CSMD3: variants seen among roughly 807,000 people sequenced by gnomAD.
CSMD3 encodes the protein CUB and sushi domain-containing protein 3.
Under a neutral mutation model 435.2 loss-of-function variants are expected in CSMD3, and 177 were observed. That is an observed-to-expected ratio of 0.41 (90% CI 0.36 to 0.46). The LOEUF is 0.46. Among genes scored for constraint, CSMD3 ranks in the 20% least tolerant of loss-of-function variants. CSMD3 has a pLI of 0.34. For missense variants in CSMD3, 4,265 were observed against 4,504.6 expected (o/e 0.95, Z 1.52); for synonymous variants, 1,656 against 1,520.5 (o/e 1.09, Z -2.07).
chr8:112,514,905 T>TA lies in CSMD3; in HGVS notation c.4756+2128dup, dbSNP rs1480891729. On this transcript the variant is annotated intron_variant, in intron 28 of 70. Coordinates refer to ENST00000297405, the MANE Select transcript of CSMD3 (RefSeq NM_198123.2). The stretch of plus-strand genomic sequence containing the variant: ...TTAGCAATTTTTCAGACTTTTTTTT[T>TA]AAGGTTATTTTCTTCCCCAGAGAAG... Among the ~76,000 whole-genome samples the TA allele has an allele frequency of 2.6e-5, 4 of 152,142 alleles. No homozygotes were observed. The East Asian group carries it at 7.7e-4, about 29-fold the overall frequency.
At chr8:113,102,611 G>A (rs1025544877) in intron 4 of CSMD3, among the ~76,000 whole-genome samples, 2 of 152,100 alleles carry the variant, frequency 1.3e-5, no homozygotes, top group African/African-American at 4.8e-5. Flanking sequence ...TAAGGAACAA[G>A]AATTTCCTGA....
chr8:112,381,687 CAG>C (rs531134357), intron 37 of CSMD3, among the ~76,000 whole-genome samples: 53 of 152,298 alleles, frequency 3.5e-4, no homozygotes, highest in Non-Finnish European at 6.8e-4. Context: ...CCACTGAAGA[CAG>C]GGATAAACAG....
At chr8:113,170,381 C>T (rs2092246326) in intron 4 of CSMD3, among the ~76,000 whole-genome samples, 1 of 152,092 alleles carries the variant, frequency 6.6e-6, no homozygotes, top group Non-Finnish European at 1.5e-5. Context: ...TACCTTTAGC[C>T]AGTGAATATT....
chr8:113,025,965 T>C (rs765722925), intron 5 of CSMD3, among the ~76,000 whole-genome samples: 1 of 152,144 alleles, frequency 6.6e-6, no homozygotes, highest in Non-Finnish European at 1.5e-5. Flanking sequence ...ACAATGACTA[T>C]TGGCTCCCAT....
chr8:113,141,552 C>A (rs2091548432), intron 4 of CSMD3, among the ~76,000 whole-genome samples: 1 of 150,720 alleles, frequency 6.6e-6, no homozygotes, highest in South Asian at 2.1e-4. Flanking sequence ...TTATAATTCA[C>A]CATATTTACA....
intron 3 of CSMD3, among the ~76,000 whole-genome samples, chr8:113,248,521 T>C (rs1414858175): frequency 2.5e-5 from 3 of 121,894 alleles, no homozygotes; most frequent in Non-Finnish European, 5.0e-5. Flanking sequence ...TTCCATATTA[T>C]ATATATATGT....
chr8:112,247,417 C>T lies in CSMD3; in HGVS notation c.10111-286G>A, dbSNP rs748982279. Among the ~76,000 whole-genome samples, 3 of 151,508 alleles carry T rather than the reference C, an allele frequency of 2.0e-5. No individual in the cohort carries two copies. The East Asian group carries it at 5.8e-4, about 29-fold the overall frequency. The stretch of plus-strand genomic sequence containing the variant: ...GAATTTGAAGAAAATATTTAAGACA[C>T]CAAAAAATCCAACAAGCTACATATG... On this transcript the variant is annotated intron_variant, in intron 63 of 70. Coordinates refer to ENST00000297405, the MANE Select transcript of CSMD3 (RefSeq NM_198123.2).
At chr8:113,067,710 GT>G (rs1478767456) in intron 5 of CSMD3, among the ~76,000 whole-genome samples, 2 of 151,970 alleles carry the variant, frequency 1.3e-5, no homozygotes, top group Non-Finnish European at 2.9e-5. Flanking sequence ...GACTTATTTT[GT>G]TTTTTCCAAT....
Position 112,656,317 on chromosome 8 carries a change from A to G in CSMD3, c.2841T>C (p.Asp947=). ...FERFQTELNY[D]VLEVHDGPNL... ...TTGGCCCATCATGAACTTCCAGAAC[A>G]TCATAATTCAGTTCAGTCTGAAATC... The change falls in exon 18 of 71, where the codon GAT becomes GAC. Residue 947 remains aspartate, a synonymous_variant. Transcript: ENST00000297405. The G allele has an allele frequency of 6.2e-7, 1 of 1,613,296 alleles. No individual in the cohort carries two copies. The highest frequency in any genetic ancestry group is 1.7e-4 in the Middle Eastern group (1 of 6,052).
chr8:112,224,362 T>C lies in CSMD3; in HGVS notation c.*409A>G, dbSNP rs1304792687. ...GTAGCTCAGGACAGTTAAAGAGAAG[T>C]CAGTGATCTATTGACTCTTGTAAGT... is the stretch of plus-strand genomic sequence containing the variant. On this transcript the variant is annotated 3_prime_UTR_variant, in exon 71 of 71. Transcript: ENST00000297405. 1 of 232,078 alleles carries C rather than the reference T, an allele frequency of 4.3e-6. No homozygotes were observed. Among genetic ancestry groups the C allele is most frequent in the African/African-American group, 2.3e-5 (1 of 43,948 alleles). 14.4% of individuals were successfully genotyped at this position (232,078 alleles called of 1,614,324 possible). A position where few individuals can be genotyped will look rare whatever the true frequency, so the allele number is the denominator to read the frequency against.
intron 60 of CSMD3, among the ~76,000 whole-genome samples, chr8:112,265,189 T>C (rs1816820715): frequency 6.6e-6 from 1 of 151,972 alleles, no homozygotes. Flanking sequence ...TTAAAGCTTA[T>C]TGTCATTACT....
At position 113,373,297 on chromosome 8, in the gene CSMD3, TA is replaced by T. The variant is rs1351100066; in HGVS notation, c.179-58505del. On this transcript the variant is annotated intron_variant, in intron 1 of 70. Coordinates refer to ENST00000297405, the MANE Select transcript of CSMD3 (RefSeq NM_198123.2). Reference sequence around the variant, plus strand: ...CTCTGCATTTATTTACTCGAAAAAATAATTTTTCTATTGACTTATTTAAAAA... The same window carrying T: ...CTCTGCATTTATTTACTCGAAAAAATATTTTTCTATTGACTTATTTAAAAA... Among the ~76,000 whole-genome samples, 6 of 152,176 alleles carry T rather than the reference TA, an allele frequency of 3.9e-5. 1 individual carries two copies. Among genetic ancestry groups the T allele is most frequent in the Middle Eastern group, 6.8e-3 (2 of 294 alleles).
intron 32 of CSMD3, among the ~76,000 whole-genome samples, chr8:112,470,918 A>G (rs1442178581): frequency 6.6e-6 from 1 of 151,884 alleles, no homozygotes; most frequent in Non-Finnish European, 1.5e-5. Context: ...GATTCATTTA[A>G]AAAAAACAGT....
chr8:112,358,024 G>A (rs574848464), intron 38 of CSMD3, among the ~76,000 whole-genome samples: 1 of 152,262 alleles, frequency 6.6e-6, no homozygotes, highest in African/African-American at 2.4e-5. Context: ...AGACAGGAGT[G>A]AGGCTGTACC....
intron 9 of CSMD3, among the ~76,000 whole-genome samples, chr8:112,932,676 T>C (rs2130716556): frequency 6.6e-6 from 1 of 151,940 alleles, no homozygotes; most frequent in African/African-American, 2.4e-5. Flanking sequence ...GGGAAGGGTG[T>C]GCAGTGTGTG....
At chr8:113,428,212 C>CTATCTATCGGA (rs1165879542) in intron 1 of CSMD3, among the ~76,000 whole-genome samples, 1 of 60,086 alleles carries the variant, frequency 1.7e-5, no homozygotes, top group Non-Finnish European at 4.8e-5. Flanking sequence ...GGATATCTAT[C>CTATCTATCGGA]TATCTATCTA....
Position 113,187,351 on chromosome 8 carries a change from C to A in CSMD3, c.515-13435G>T, listed in dbSNP as rs940065001. 4.6e-5 allele frequency among the ~76,000 whole-genome samples: 7 copies of A among 151,782 alleles called. No individual in the cohort carries two copies. The East Asian group carries it at 9.8e-4, about 21-fold the overall frequency. On this transcript the variant is annotated intron_variant, in intron 3 of 70. Coordinates refer to ENST00000297405, the MANE Select transcript of CSMD3 (RefSeq NM_198123.2). ...TAAAGTTTACATAGAGTCACTGTCA[C>A]CTCATCACCAACCTCAGAACAGTGA... is the stretch of plus-strand genomic sequence containing the variant.
intron 36 of CSMD3, among the ~76,000 whole-genome samples, chr8:112,387,782 G>A (rs1428280595): frequency 3.3e-5 from 5 of 152,116 alleles, no homozygotes; most frequent in Admixed American, 6.5e-5. Flanking sequence ...ATATAACACA[G>A]TTTTTCTGCA....
At chr8:112,700,207 A>G (rs1415158835) in intron 13 of CSMD3, among the ~76,000 whole-genome samples, 1 of 152,190 alleles carries the variant, frequency 6.6e-6, no homozygotes, top group African/African-American at 2.4e-5. Context: ...GCTTCTATCA[A>G]AAGGTAGAGT....
Sources: allele counts gnomAD v4.1 joint callset (sites outside exome capture counted in the v4.1 genomes callset), GRCh38; gene constraint gnomAD v4.1.1; transcripts MANE v1.5; gene names NCBI Gene and HGNC (gene_info 2026-07-23, HGNC 2026-07-21).